RUNX3: variants seen among roughly 807,000 people sequenced by gnomAD.
RUNX3 encodes RUNX family transcription factor 3.
A neutral mutation model predicts 27.7 loss-of-function variants in RUNX3; 10 were observed. The ratio of observed to expected loss-of-function variants is 0.36; its 90% CI spans 0.22 to 0.61. The LOEUF (loss-of-function observed/expected upper bound fraction) is 0.61, where lower values mean the gene tolerates loss of function less well. Among genes scored for constraint, RUNX3 ranks in the 20% least tolerant of loss-of-function variants. The probability of loss-of-function intolerance (pLI) is 0.72; values close to 1 mark genes in which losing one functional copy is unlikely to be tolerated. For synonymous variants in RUNX3, 270 were observed against 269.2 expected (o/e 1.00, Z -0.03); for missense variants, 469 against 629.5 (o/e 0.75, Z 2.73).
At chr1:24,949,654 T>G (rs1026502295) in intron 2 of RUNX3, among the ~76,000 whole-genome samples, 1 of 152,258 alleles carries the variant, frequency 6.6e-6, no homozygotes, top group Non-Finnish European at 1.5e-5. Context: ...GAGCTTTTCA[T>G]TCCCCGTGAT....
chr1:24,928,246 G>C (rs2124303395), intron 1 of RUNX3, among the ~76,000 whole-genome samples: 1 of 152,354 alleles, frequency 6.6e-6, no homozygotes, highest in South Asian at 2.1e-4. Flanking sequence ...CCTCTGCAGA[G>C]CCTAAATTCG....
At chr1:24,922,393 G>A (rs1047125061) in intron 2 of RUNX3, among the ~76,000 whole-genome samples, 1 of 151,932 alleles carries the variant, frequency 6.6e-6, no homozygotes, top group African/African-American at 2.4e-5. Context: ...CAATTGTATT[G>A]TCCCTAACCT....
Position 24,900,105 on chromosome 1 carries a change from G to C in RUNX3, c.*2017C>G, listed in dbSNP as rs778595306. 6.6e-6 allele frequency: 1 copy of C among 152,318 alleles called. No individual in the cohort carries two copies. Among genetic ancestry groups the C allele is most frequent in the Non-Finnish European group, 1.5e-5 (1 of 68,060 alleles). The allele number at this position is 152,318 out of a possible 1,614,324, so 9.4% of individuals were successfully genotyped here. A position where few individuals can be genotyped will look rare whatever the true frequency, so the allele number is the denominator to read the frequency against. ...TGACCTGGGACCAGCTATAACCAGA[G>C]AACAGGAGGGAAGAAACTACAAGGA... is the stretch of plus-strand genomic sequence containing the variant. On this transcript the variant is annotated 3_prime_UTR_variant, in exon 5 of 5. Transcript: ENST00000308873.
Position 24,902,040 on chromosome 1 carries a change from CCGGAGCCT to C in RUNX3, c.*74_*81del. 2 of 1,342,856 alleles carry C rather than the reference CCGGAGCCT, an allele frequency of 1.5e-6. No homozygotes were observed. The highest frequency in any genetic ancestry group is 2.0e-6 in the Non-Finnish European group (2 of 1,011,092). The allele number at this position is 1,342,856 out of a possible 1,614,324, so 83.2% of individuals were successfully genotyped here. A position where few individuals can be genotyped will look rare whatever the true frequency, so the allele number is the denominator to read the frequency against. ...CCTGGAGCGCAGGTCCCATTCCCGC[CCGGAGCCT>C]CGGAGCCGGCCCATCACTGGTCTTG... On this transcript the variant is annotated 3_prime_UTR_variant, in exon 5 of 5. Transcript: ENST00000308873. This position sits in a 1 kb window ranked among gnomAD's most constrained non-coding sequence, Gnocchi z 9.2.
intron 2 of RUNX3, among the ~76,000 whole-genome samples, chr1:24,924,322 C>G (rs1641057212): frequency 6.6e-6 from 1 of 152,096 alleles, no homozygotes; most frequent in South Asian, 2.1e-4. Context: ...GATCGCACCA[C>G]TGCACCCTGG....
chr1:24,957,334 G>A (rs1036382317), intron 2 of RUNX3, among the ~76,000 whole-genome samples: 5 of 140,310 alleles, frequency 3.6e-5, no homozygotes, highest in Non-Finnish European at 6.2e-5. Context: ...CCATTCATTC[G>A]TTCATCCATC....
chr1:24,953,509 T>TA (rs1261256856), intron 2 of RUNX3, among the ~76,000 whole-genome samples: 1 of 149,048 alleles, frequency 6.7e-6, no homozygotes, highest in Non-Finnish European at 1.5e-5. Flanking sequence ...TGAAATAAGA[T>TA]AAAAAATTCA....
At chr1:24,948,458 G>A (rs1467836682) in intron 2 of RUNX3, among the ~76,000 whole-genome samples, 1 of 152,202 alleles carries the variant, frequency 6.6e-6, no homozygotes, top group African/African-American at 2.4e-5. Flanking sequence ...GCCTGTGACA[G>A]AGGCCCCAGC....
At chr1:24,910,876 G>T (rs984098191) in intron 3 of RUNX3, among the ~76,000 whole-genome samples, 9 of 152,244 alleles carry the variant, frequency 5.9e-5, no homozygotes, top group African/African-American at 2.2e-4. Flanking sequence ...TGGAGCTGGG[G>T]CTGCAAACTC....
chr1:24,961,851 G>A (rs945987040), intron 2 of RUNX3: 1 of 152,238 alleles, frequency 6.6e-6, no homozygotes, highest in Non-Finnish European at 1.5e-5. Flanking sequence ...ACACAGGTAG[G>A]AGGAAGAGGA....
At chr1:24,945,985 C>A (rs1641596462) in intron 2 of RUNX3, among the ~76,000 whole-genome samples, 1 of 152,156 alleles carries the variant, frequency 6.6e-6, no homozygotes, top group South Asian at 2.1e-4. Context: ...CCCCTTTCAG[C>A]TCTTTGGCAT....
At chr1:24,964,964 G>C (rs997348021) in exon 1 of RUNX3, 1 of 294,676 alleles carries the variant, frequency 3.4e-6, no homozygotes, top group African/African-American at 2.2e-5. Flanking sequence ...CTCCGAAGCT[G>C]ACAGAGCAGA....
chr1:24,928,797 G>A (rs1641150045), intron 1 of RUNX3: 7 of 338,644 alleles, frequency 2.1e-5, no homozygotes, highest in Admixed American at 8.5e-5. Context: ...AATGGGAGCA[G>A]GGACGGCCTC....
intron 2 of RUNX3, among the ~76,000 whole-genome samples, chr1:24,950,464 A>T (rs1641730994): frequency 6.6e-6 from 1 of 152,232 alleles, no homozygotes; most frequent in South Asian, 2.1e-4. Context: ...GCACTAGCCC[A>T]TCAGGCTTCA....
intron 2 of RUNX3, among the ~76,000 whole-genome samples, chr1:24,944,909 A>G (rs917192598): frequency 6.6e-6 from 1 of 152,330 alleles, no homozygotes. Context: ...TTATAAATGC[A>G]TGTTTTTTTT....
At chr1:24,913,857 C>T (rs547596579) in intron 3 of RUNX3, among the ~76,000 whole-genome samples, 1 of 152,364 alleles carries the variant, frequency 6.6e-6, no homozygotes, top group African/African-American at 2.4e-5. Flanking sequence ...CCCTTGCCTC[C>T]ATGCAGGCCC....
chr1:24,920,318 C>T (rs780747801), intron 2 of RUNX3, among the ~76,000 whole-genome samples: 11 of 151,734 alleles, frequency 7.2e-5, no homozygotes, highest in South Asian at 2.1e-4. Flanking sequence ...TTCCAAGAAG[C>T]GGTGAGTGAT....
chr1:24,902,660 G>A lies in RUNX3; in HGVS notation c.710C>T (p.Ser237Leu), dbSNP rs138540348. Reference protein sequence around the residue: ...SQPQTPIQGTSELNPFSDPRQ... With the variant: ...SQPQTPIQGTLELNPFSDPRQ... Reference sequence around the variant, plus strand: ...GGGGTCGGAGAATGGGTTCAGTTCCGAGGTGCCTGGAGGACAGCAGGGAAG... The same window carrying A: ...GGGGTCGGAGAATGGGTTCAGTTCCAAGGTGCCTGGAGGACAGCAGGGAAG... The change falls in exon 5 of 5, where the codon TCG becomes TTG. Residue 237 changes from serine to leucine, a missense_variant. Physicochemically the swap from Ser to Leu is moderately radical, Grantham distance 145. Around this residue, in one of 3 missense-constraint regions of RUNX3, gnomAD observed 279 missense variants for 343.0 expected, o/e 0.81. Coordinates refer to ENST00000308873, the MANE Select transcript of RUNX3 (RefSeq NM_004350.3). This position sits in a 1 kb window ranked among gnomAD's most constrained non-coding sequence, Gnocchi z 9.2. 9 of 1,515,698 alleles carry A rather than the reference G, an allele frequency of 5.9e-6. No homozygotes were observed. The highest frequency in any genetic ancestry group is 1.4e-5 in the African/African-American group (1 of 71,810). The allele number at this position is 1,515,698 out of a possible 1,614,324, so 93.9% of individuals were successfully genotyped here. A position where few individuals can be genotyped will look rare whatever the true frequency, so the allele number is the denominator to read the frequency against.
intron 3 of RUNX3, among the ~76,000 whole-genome samples, chr1:24,918,221 A>AG (rs1640925725): frequency 6.6e-6 from 1 of 152,164 alleles, no homozygotes; most frequent in African/African-American, 2.4e-5. Flanking sequence ...GGGCCAGCCC[A>AG]GGGCTAGGCC....
Sources: allele counts gnomAD v4.1 joint callset (sites outside exome capture counted in the v4.1 genomes callset), GRCh38; gene constraint gnomAD v4.1.1; regional missense constraint gnomAD v4.1.1; non-coding constraint Gnocchi (gnomAD v3.1); transcripts MANE v1.5; gene names NCBI Gene and HGNC (gene_info 2026-07-23, HGNC 2026-07-21).